Variants in MCTP1 observed in about 807,000 individuals in gnomAD.
The protein encoded by MCTP1 is multiple C2 and transmembrane domain-containing protein 1.
In MCTP1, 69 loss-of-function variants were observed where a neutral mutation model predicts 120.6. The observed-to-expected ratio is 0.57, with a 90% CI of 0.47 to 0.70. MCTP1 has a LOEUF of 0.70. Ranked by LOEUF, MCTP1 falls within the 30% of genes least tolerant of loss-of-function variation. MCTP1 has a pLI of 0.00. For missense variants in MCTP1, 1,203 were observed against 1,248.8 expected (o/e 0.96, Z 0.55); for synonymous variants, 529 against 493.1 (o/e 1.07, Z -0.96).
intron 1 of MCTP1, among the ~76,000 whole-genome samples, chr5:95,272,179 G>A (rs893305017): frequency 6.6e-6 from 1 of 152,152 alleles, no homozygotes; most frequent in African/African-American, 2.4e-5. Flanking sequence ...GCATACGTGT[G>A]TATAAGGCAT....
intron 1 of MCTP1, among the ~76,000 whole-genome samples, chr5:95,153,728 G>A (rs1041529235): frequency 6.6e-6 from 1 of 152,192 alleles, no homozygotes; most frequent in Non-Finnish European, 1.5e-5. Flanking sequence ...TGCTGTCTCC[G>A]AGGAGTGATC....
intron 2 of MCTP1, among the ~76,000 whole-genome samples, chr5:95,005,206 T>C (rs1056280285): frequency 2.0e-5 from 3 of 152,190 alleles, no homozygotes; most frequent in African/African-American, 7.2e-5. Flanking sequence ...TCCCTTTTTT[T>C]AATGGGAGCA....
At chr5:95,058,645 A>G (rs767106640) in intron 1 of MCTP1, among the ~76,000 whole-genome samples, 19 of 144,954 alleles carry the variant, frequency 1.3e-4, no homozygotes, top group Non-Finnish European at 2.6e-4. Flanking sequence ...ATAGAATTAA[A>G]TGAAAAAATA....
chr5:94,958,085 A>T (rs1343999575), intron 2 of MCTP1, among the ~76,000 whole-genome samples: 1 of 152,232 alleles, frequency 6.6e-6, no homozygotes, highest in African/African-American at 2.4e-5. Flanking sequence ...ACCACAGTGC[A>T]ATCAAATTAG....
intron 17 of MCTP1, among the ~76,000 whole-genome samples, chr5:94,814,084 T>C (rs1051760272): frequency 6.6e-6 from 1 of 152,178 alleles, no homozygotes; most frequent in Non-Finnish European, 1.5e-5. Context: ...GAGGTGATGG[T>C]TGTACAACTC....
At chr5:94,775,484 C>T (rs1159856580) in intron 19 of MCTP1, among the ~76,000 whole-genome samples, 1 of 152,056 alleles carries the variant, frequency 6.6e-6, no homozygotes, top group Non-Finnish European at 1.5e-5. Context: ...TTAGCTAAGC[C>T]TTATTTGCTA....
intron 19 of MCTP1, among the ~76,000 whole-genome samples, chr5:94,759,903 G>GAAAAAAAAAAAA (rs10719332): frequency 2.5e-5 from 2 of 78,892 alleles, no homozygotes; most frequent in African/African-American, 5.1e-5. Context: ...TTTTCAAAGA[G>GAAAAAAAAAAAA]AAAAAAAAAA....
At chr5:94,829,185 G>A (rs1245589118) in intron 17 of MCTP1, among the ~76,000 whole-genome samples, 3 of 152,174 alleles carry the variant, frequency 2.0e-5, no homozygotes, top group African/African-American at 7.2e-5. Context: ...TGTTCCTCAC[G>A]GCATGGTCCC....
intron 1 of MCTP1, among the ~76,000 whole-genome samples, chr5:95,125,046 G>A (rs1271575819): frequency 3.3e-5 from 5 of 152,128 alleles, no homozygotes; most frequent in Non-Finnish European, 7.4e-5. Context: ...TACTTAAACA[G>A]CAAAACATTT....
chr5:94,933,445 A>G (rs907673591), intron 5 of MCTP1, among the ~76,000 whole-genome samples: 1 of 151,746 alleles, frequency 6.6e-6, no homozygotes, highest in Non-Finnish European at 1.5e-5. Context: ...GCAACTGGAA[A>G]CCAAATATTT....
chr5:95,167,012 AC>A (rs1281776801), intron 1 of MCTP1, among the ~76,000 whole-genome samples: 1 of 148,252 alleles, frequency 6.7e-6, no homozygotes, highest in African/African-American at 2.5e-5. Flanking sequence ...GGTGTGCTGC[AC>A]CCATTAACTC....
rs928321841 is a variant in MCTP1 at position 95,070,751 on chromosome 5, G to T, written c.721-53267C>A. Among the ~76,000 whole-genome samples, 4 of 152,196 alleles carry T rather than the reference G, an allele frequency of 2.6e-5. No homozygotes were observed. The East Asian group carries it at 7.7e-4, about 29-fold the overall frequency. On this transcript the variant is annotated intron_variant, in intron 1 of 22. Transcript: ENST00000515393. ...GGAGTACAAAGGCAGTCCCAGCTGC[G>T]GCTTGGTGAATTCATCCCGCAGTAG...
chr5:95,011,224 C>T (rs1380026781), intron 2 of MCTP1, among the ~76,000 whole-genome samples: 1 of 152,078 alleles, frequency 6.6e-6, no homozygotes, highest in Non-Finnish European at 1.5e-5. Context: ...ATAATTTTAG[C>T]ATCTATTGAT....
intron 1 of MCTP1, chr5:95,024,146 T>C (rs1838745258): frequency 4.7e-6 from 2 of 426,644 alleles, no homozygotes; most frequent in South Asian, 1.7e-5. Flanking sequence ...CCTCTGCTTT[T>C]GGGGTCTTAT....
At chr5:95,053,300 C>T (rs1746494896) in intron 1 of MCTP1, among the ~76,000 whole-genome samples, 2 of 152,184 alleles carry the variant, frequency 1.3e-5, no homozygotes, top group South Asian at 4.1e-4. Context: ...TAAAATCATG[C>T]ACTCCAAAGT....
chr5:94,804,563 C>T (rs536239663), intron 17 of MCTP1, among the ~76,000 whole-genome samples: 5 of 152,094 alleles, frequency 3.3e-5, no homozygotes, highest in African/African-American at 1.2e-4. Flanking sequence ...CTCAGCCTCC[C>T]GAGTAGCTGG....
intron 1 of MCTP1, among the ~76,000 whole-genome samples, chr5:95,069,512 G>A (rs946176007): frequency 2.7e-5 from 4 of 150,860 alleles, no homozygotes; most frequent in Non-Finnish European, 5.9e-5. Context: ...ACACAGGCCA[G>A]GTGACTTACC....
intron 2 of MCTP1, among the ~76,000 whole-genome samples, chr5:94,987,634 A>C (rs909485035): frequency 2.0e-5 from 3 of 152,206 alleles, no homozygotes; most frequent in Non-Finnish European, 4.4e-5. Context: ...ACCATTAAGG[A>C]TGGAGTAATG....
intron 18 of MCTP1, among the ~76,000 whole-genome samples, chr5:94,783,686 C>T (rs1207888925): frequency 6.6e-6 from 1 of 152,014 alleles, no homozygotes; most frequent in African/African-American, 2.4e-5. Context: ...TGCTTTTTAA[C>T]ACCAATTTAA....
Sources: allele counts gnomAD v4.1 joint callset (sites outside exome capture counted in the v4.1 genomes callset), GRCh38; gene constraint gnomAD v4.1.1; transcripts MANE v1.5; gene names NCBI Gene and HGNC (gene_info 2026-07-23, HGNC 2026-07-21).